ASPH: variants seen among roughly 807,000 people sequenced by gnomAD.
ASPH encodes aspartyl/asparaginyl beta-hydroxylase.
ASPH carries 100 observed loss-of-function variants against 118.4 expected under a neutral mutation model. That is an observed-to-expected ratio of 0.84 (90% CI 0.72 to 1.00). The LOEUF (loss-of-function observed/expected upper bound fraction) is 1.00. ASPH is among the 50% of genes least tolerant of loss of function. ASPH has a pLI of 0.00. For missense variants in ASPH, 920 were observed against 919.5 expected (o/e 1.00, Z -0.01); for synonymous variants, 315 against 325.6 (o/e 0.97, Z 0.35).
chr8:61,671,377 A>C (rs1000693189), intron 3 of ASPH, among the ~76,000 whole-genome samples: 2 of 152,234 alleles, frequency 1.3e-5, no homozygotes, highest in African/African-American at 4.8e-5. Flanking sequence ...AATCAATAAA[A>C]TTCATGACAA....
chr8:61,511,972 A>G (rs541858815), intron 24 of ASPH, among the ~76,000 whole-genome samples: 10 of 152,316 alleles, frequency 6.6e-5, no homozygotes, highest in African/African-American at 1.4e-4. Flanking sequence ...AGGCCCAGAA[A>G]GGGAAACTCC....
chr8:61,530,351 CA>C (rs1817102936), intron 21 of ASPH, among the ~76,000 whole-genome samples: 1 of 152,188 alleles, frequency 6.6e-6, no homozygotes, highest in South Asian at 2.1e-4. Context: ...TCTACGGCAG[CA>C]CATGGCTTCA....
chr8:61,660,004 C>A (rs1815934957), intron 3 of ASPH: 1 of 151,188 alleles, frequency 6.6e-6, no homozygotes. Flanking sequence ...AATATAACTT[C>A]AACTTCTATT....
At chr8:61,683,214 G>T (rs912749413) in intron 2 of ASPH, among the ~76,000 whole-genome samples, 1 of 151,728 alleles carries the variant, frequency 6.6e-6, no homozygotes, top group Admixed American at 6.6e-5. Context: ...GGGGAAGGGG[G>T]TAACAAAAAT....
chr8:61,621,692 T>C (rs1240584080), intron 13 of ASPH, among the ~76,000 whole-genome samples: 1 of 152,238 alleles, frequency 6.6e-6, no homozygotes, highest in Non-Finnish European at 1.5e-5. Context: ...GGCTAAAGAA[T>C]CTTGTGTAGG....
At chr8:61,610,344 A>C (rs1846929459) in intron 14 of ASPH, among the ~76,000 whole-genome samples, 1 of 152,204 alleles carries the variant, frequency 6.6e-6, no homozygotes, top group South Asian at 2.1e-4. Flanking sequence ...AAACAAAGAG[A>C]ATGTGTATTT....
intron 15 of ASPH, chr8:61,578,586 T>C: frequency 6.6e-7 from 1 of 1,518,222 alleles, no homozygotes; most frequent in Non-Finnish European, 9.1e-7. Context: ...GGAGACCAAG[T>C]GGAGCCTCCT....
intron 16 of ASPH, among the ~76,000 whole-genome samples, chr8:61,573,228 G>T (rs1241597271): frequency 6.6e-6 from 1 of 152,132 alleles, no homozygotes; most frequent in Non-Finnish European, 1.5e-5. Flanking sequence ...CAAACAAATG[G>T]AAAAACATTC....
At chr8:61,629,532 A>G (rs1048772564) in intron 13 of ASPH, among the ~76,000 whole-genome samples, 6 of 152,240 alleles carry the variant, frequency 3.9e-5, no homozygotes, top group Non-Finnish European at 7.3e-5. Flanking sequence ...TGATTGGCCT[A>G]TAATATCAGA....
chr8:61,567,988 A>G (rs1217992752), intron 16 of ASPH, among the ~76,000 whole-genome samples: 1 of 152,172 alleles, frequency 6.6e-6, no homozygotes, highest in Non-Finnish European at 1.5e-5. Flanking sequence ...CAGGGAAAAG[A>G]GCAAGAGCAA....
At chr8:61,646,274 G>A (rs2151022146) in intron 6 of ASPH, among the ~76,000 whole-genome samples, 1 of 152,318 alleles carries the variant, frequency 6.6e-6, no homozygotes, top group South Asian at 2.1e-4. Flanking sequence ...TAGCTGAACA[G>A]AGTCTGTACG....
chr8:61,505,490 T>A (rs1157464049), intron 24 of ASPH, among the ~76,000 whole-genome samples: 1 of 34,384 alleles, frequency 2.9e-5, no homozygotes, highest in East Asian at 8.1e-4. Context: ...CAAGACTCCA[T>A]CTCAAAAAAA....
intron 21 of ASPH, among the ~76,000 whole-genome samples, chr8:61,536,329 G>A (rs1448709252): frequency 4.6e-5 from 7 of 152,058 alleles, no homozygotes; most frequent in African/African-American, 7.2e-5. Flanking sequence ...GTGAGCCACC[G>A]CACCCAACCA....
chr8:61,577,362 C>CAAA (rs11406205), intron 15 of ASPH, among the ~76,000 whole-genome samples: 8 of 57,396 alleles, frequency 1.4e-4, no homozygotes, highest in African/African-American at 3.3e-4. Context: ...AATAAAATGA[C>CAAA]AAAAAAAAAA....
chr8:61,531,524 T>G (rs1458373557), intron 21 of ASPH, among the ~76,000 whole-genome samples: 2 of 152,048 alleles, frequency 1.3e-5, no homozygotes, highest in African/African-American at 4.8e-5. Context: ...ATAATTTTGT[T>G]TTATAATTTT....
chr8:61,668,294 TGAAAATAGGTTATAAACA>T, intron 3 of ASPH: 4 of 1,596,738 alleles, frequency 2.5e-6, no homozygotes, highest in Non-Finnish European at 3.4e-6. Context: ...ATTTACAAGA[TGAAAATAGGTTATAAACA>T]GAAAATTTAA....
intron 19 of ASPH, among the ~76,000 whole-genome samples, chr8:61,555,190 T>C (rs1827424919): frequency 6.6e-6 from 1 of 152,204 alleles, no homozygotes; most frequent in Non-Finnish European, 1.5e-5. Flanking sequence ...AGAGTACTAT[T>C]CTGAGTACAG....
intron 14 of ASPH, among the ~76,000 whole-genome samples, chr8:61,588,503 T>C (rs1490109698): frequency 6.6e-6 from 1 of 152,230 alleles, no homozygotes; most frequent in Admixed American, 6.5e-5. Flanking sequence ...CACATTACTC[T>C]ATGTCCTATA....
At chr8:61,633,975 A>G (rs1023184327) in intron 12 of ASPH, among the ~76,000 whole-genome samples, 1 of 152,200 alleles carries the variant, frequency 6.6e-6, no homozygotes, top group African/African-American at 2.4e-5. Context: ...GACTAACCTC[A>G]AACTCCACTG....
Sources: gnomAD v4.1 joint callset for allele counts (sites outside exome capture counted in the v4.1 genomes callset) on GRCh38, gnomAD v4.1.1 for gene constraint, MANE v1.5 for transcripts, NCBI Gene and HGNC (gene_info 2026-07-23, HGNC 2026-07-21) for gene names.